The following OR10J1 variants were observed in gnomAD, a reference collection of about 807,000 sequenced individuals.
OR10J1 encodes olfactory receptor family 10 subfamily J member 1, also known as olfactory receptor 10J1.
For synonymous variants in OR10J1, 202 were observed against 143.8 expected, an observed-to-expected ratio of 1.40 and a Z score of -2.89; for missense variants, 474 against 376.6, an observed-to-expected ratio of 1.26 and a Z score of -2.14.
At chr1:159,439,582 A>G, upstream of OR10J1, 1 of 634,586 alleles carries the variant, frequency 1.6e-6, no homozygotes, top group South Asian at 2.0e-5. Context: ...TCTATGATGC[A>G]TGGAAAATTA....
upstream of OR10J1, among the ~76,000 whole-genome samples, chr1:159,438,485 C>A (rs111519822): frequency 3.3e-5 from 5 of 152,226 alleles, 1 homozygote; most frequent in Non-Finnish European, 7.3e-5. Context: ...CGTGGCTGGA[C>A]TACTACATAG....
chr1:159,408,822 A>G, the OR10J1 span, among the ~76,000 whole-genome samples: 1 of 152,058 alleles, frequency 6.6e-6, no homozygotes, highest in Non-Finnish European at 1.5e-5. Flanking sequence ...TTTGGCCATA[A>G]TTATTATTAT....
Position 159,440,780 on chromosome 1 carries a change from T to G in OR10J1, c.*59T>G. ...ATCCACACTAGGCAGGAATATGAGG[T>G]GTAAACTCACAAACACTTGGCTCCT... On this transcript the variant is annotated 3_prime_UTR_variant, in exon 1 of 1. Coordinates refer to ENST00000423932, the MANE Select transcript of OR10J1 (RefSeq NM_012351.3). 3 of 1,538,012 alleles carry G rather than the reference T, an allele frequency of 2.0e-6. No individual in the cohort carries two copies. The highest frequency in any genetic ancestry group is 1.8e-6 in the Non-Finnish European group (2 of 1,140,070).
At chr1:159,438,289 C>T (rs1406578696), upstream of OR10J1, among the ~76,000 whole-genome samples, 3 of 152,156 alleles carry the variant, frequency 2.0e-5, no homozygotes, top group Admixed American at 6.5e-5. Context: ...ATATTTTAGC[C>T]GTGTGTTTCT....
chr1:159,430,669 G>GTGTGTGTGTGTGTATGTGCA, the OR10J1 span, among the ~76,000 whole-genome samples: 1 of 20,204 alleles, frequency 4.9e-5, no homozygotes, highest in South Asian at 1.7e-3. Context: ...GTGTGTGTGT[G>GTGTGTGTGTGTGTATGTGCA]CGCGCGCGCA....
upstream of OR10J1, chr1:159,438,000 T>G (rs1156878454): frequency 6.6e-6 from 1 of 152,578 alleles, no homozygotes; most frequent in African/African-American, 2.4e-5. Flanking sequence ...CTCGGCCTCC[T>G]CCAGCCCAGC....
At chr1:159,414,018 C>A in the OR10J1 span, among the ~76,000 whole-genome samples, 3 of 151,780 alleles carry the variant, frequency 2.0e-5, no homozygotes, top group Admixed American at 1.3e-4. Flanking sequence ...TTGTTACATG[C>A]AGTGAATGTA....
At chr1:159,422,453 T>G in the OR10J1 span, among the ~76,000 whole-genome samples, 1 of 152,320 alleles carries the variant, frequency 6.6e-6, no homozygotes. Context: ...GTGGAATTTT[T>G]CCTTGGGGCA....
chr1:159,421,614 G>T, the OR10J1 span, among the ~76,000 whole-genome samples: 1 of 152,130 alleles, frequency 6.6e-6, no homozygotes, highest in Non-Finnish European at 1.5e-5. Flanking sequence ...TTGGATCGTG[G>T]GTGCATACAG....
chr1:159,406,415 TG>T, the OR10J1 span: 21 of 388,120 alleles, frequency 5.4e-5, no homozygotes, highest in Non-Finnish European at 9.1e-5. Context: ...AAGACAGAGG[TG>T]AGGCTCCAAC....
chr1:159,435,509 ATAT>A (rs1475949051), upstream of OR10J1, among the ~76,000 whole-genome samples: 2 of 152,208 alleles, frequency 1.3e-5, no homozygotes, highest in African/African-American at 4.8e-5. Flanking sequence ...TATTATCCAA[ATAT>A]TATCAATTTG....
the OR10J1 span, among the ~76,000 whole-genome samples, chr1:159,422,421 G>A: frequency 3.9e-5 from 6 of 152,178 alleles, no homozygotes; most frequent in Non-Finnish European, 4.4e-5. Flanking sequence ...GCACCAGCCT[G>A]CAATGGAGGC....
rs368727978 is a variant in OR10J1 at position 159,439,964 on chromosome 1, C to A, written c.173C>A (p.Pro58His). The change falls in exon 1 of 1, where the codon CCC (proline) becomes CAC (histidine). Residue 58 changes from proline (P) to histidine (H), a missense_variant. Coordinates refer to ENST00000423932, the MANE Select transcript of OR10J1 (RefSeq NM_012351.3). Reference protein sequence around the residue: ...IIRMDLHLHTPMYFFLSMLST... With the variant: ...IIRMDLHLHTHMYFFLSMLST... The stretch of plus-strand genomic sequence containing the variant: ...CGAATGGATCTTCATCTTCACACAC[C>A]CATGTACTTCTTCCTGAGCATGCTG... 1.7e-4 allele frequency: 271 copies of A among 1,613,962 alleles called. 1 individual carries two copies. The highest frequency in any genetic ancestry group is 2.2e-4 in the Non-Finnish European group (263 of 1,180,016).
upstream of OR10J1, chr1:159,433,237 G>T (rs547144453): frequency 1.5e-5 from 6 of 397,096 alleles, no homozygotes; most frequent in East Asian, 1.8e-4. Flanking sequence ...GCACCAGGTG[G>T]CTGATCTAGG....
At chr1:159,400,821 C>G in the OR10J1 span, among the ~76,000 whole-genome samples, 1 of 151,792 alleles carries the variant, frequency 6.6e-6, no homozygotes, top group Admixed American at 6.6e-5. Context: ...AATACACATC[C>G]TTTTCCTCAG....
chr1:159,429,161 A>T, the OR10J1 span, among the ~76,000 whole-genome samples: 1 of 152,242 alleles, frequency 6.6e-6, no homozygotes, highest in Non-Finnish European at 1.5e-5. Flanking sequence ...GAAGGTGCTC[A>T]GCTTTTTGTG....
chr1:159,411,854 A>T, the OR10J1 span, among the ~76,000 whole-genome samples: 1 of 152,036 alleles, frequency 6.6e-6, no homozygotes, highest in African/African-American at 2.4e-5. Context: ...AGGCAGGAGA[A>T]GGAAATAAAG....
the OR10J1 span, chr1:159,406,524 C>G: frequency 5.0e-6 from 1 of 201,178 alleles, no homozygotes; most frequent in Non-Finnish European, 1.0e-5. Flanking sequence ...CTCTACTGAT[C>G]AAGAGCTCAG....
chr1:159,417,328 G>A, the OR10J1 span, among the ~76,000 whole-genome samples: 1 of 151,992 alleles, frequency 6.6e-6, no homozygotes, highest in African/African-American at 2.4e-5. Context: ...TGGCCTTTGA[G>A]GAGTGATATG....
Sources: gnomAD v4.1 joint callset for allele counts (sites outside exome capture counted in the v4.1 genomes callset) on GRCh38, gnomAD v4.1.1 for gene constraint, MANE v1.5 for transcripts, NCBI Gene and HGNC (gene_info 2026-07-23, HGNC 2026-07-21) for gene names.